The following SLC7A2 variants were observed in gnomAD, a reference collection of about 807,000 sequenced individuals.
The protein encoded by SLC7A2 is cationic amino acid transporter 2.
Under a neutral mutation model 58.9 loss-of-function variants are expected in SLC7A2, and 48 were observed. The ratio of observed to expected loss-of-function variants is 0.82; its 90% CI spans 0.65 to 1.04. The LOEUF is 1.04. Among genes scored for constraint, SLC7A2 ranks in the 50% least tolerant of loss-of-function variants. The pLI is 0.00. For synonymous variants in SLC7A2, 363 were observed against 314.5 expected, an observed-to-expected ratio of 1.15 and a Z score of -1.63; for missense variants, 1,029 against 818.8, an observed-to-expected ratio of 1.26 and a Z score of -3.13.
At chr8:17,510,628 C>T (rs536132325) in intron 2 of SLC7A2, 1 of 152,284 alleles carries the variant, frequency 6.6e-6, no homozygotes, top group African/African-American at 2.4e-5. Context: ...GCATGAATGT[C>T]TTCCTTTGAT....
Position 17,543,353 on chromosome 8 carries a change from G to A in SLC7A2, c.14G>A (p.Arg5Lys), listed in dbSNP as rs1417220506. Reference protein sequence around the residue: MIPCRAALTFARCLI... With the variant: MIPCKAALTFARCLI... ...TCAGACGTCAGAATGATTCCTTGCA[G>A]AGCCGCGCTGACCTTTGCCCGATGT... The change falls in exon 3 of 13, where the codon AGA becomes AAA. Residue 5 changes from arginine (R) to lysine (K), a missense_variant. By Grantham distance (26) the Arg-to-Lys change is conservative (BLOSUM62 2). Coordinates refer to ENST00000494857, the MANE Select transcript of SLC7A2 (RefSeq NM_001370338.1). The A allele has an allele frequency of 6.2e-7, 1 of 1,613,166 alleles. No individual in the cohort carries two copies. The highest frequency in any genetic ancestry group is 2.2e-5 in the East Asian group (1 of 44,886).
chr8:17,507,162 G>C (rs1323701116), intron 2 of SLC7A2, among the ~76,000 whole-genome samples: 1 of 152,012 alleles, frequency 6.6e-6, no homozygotes, highest in East Asian at 1.9e-4. Flanking sequence ...GGCCAGGATG[G>C]TCTTGATCTG....
In SLC7A2 at chr8:17,569,273, G is replaced by C. The variant is rs1803407711; in HGVS notation, c.*4127G>C. The C allele has an allele frequency of 6.6e-6, 1 of 152,170 alleles. No homozygotes were observed. The highest frequency in any genetic ancestry group is 1.5e-5 in the Non-Finnish European group (1 of 68,044). 9.4% of individuals were successfully genotyped at this position (152,170 alleles called of 1,614,324 possible). A position where few individuals can be genotyped will look rare whatever the true frequency, so the allele number is the denominator to read the frequency against. Reference sequence around the variant, plus strand: ...TACCACAAAAAATACAGTTTCCGCAGGGCTTTAAAGGATTGAGTTTAGCAT... The same window carrying C: ...TACCACAAAAAATACAGTTTCCGCACGGCTTTAAAGGATTGAGTTTAGCAT... On this transcript the variant is annotated 3_prime_UTR_variant, in exon 13 of 13. Coordinates refer to ENST00000494857, the MANE Select transcript of SLC7A2 (RefSeq NM_001370338.1).
intron 10 of SLC7A2, among the ~76,000 whole-genome samples, chr8:17,561,193 C>G (rs1401208071): frequency 6.6e-6 from 1 of 152,088 alleles, no homozygotes; most frequent in African/African-American, 2.4e-5. Context: ...CATTAGCAGT[C>G]TGTATTAGTC....
At chr8:17,512,885 G>A (rs1399893114) in intron 2 of SLC7A2, among the ~76,000 whole-genome samples, 1 of 152,174 alleles carries the variant, frequency 6.6e-6, no homozygotes, top group Non-Finnish European at 1.5e-5. Context: ...GAATCAGACA[G>A]TGTTTTGCCT....
At position 17,543,331 on chromosome 8, in the gene SLC7A2, G is replaced by C. The variant is rs765997833; in HGVS notation, c.-9G>C. 31 of 1,605,094 alleles carry C rather than the reference G, an allele frequency of 1.9e-5. No homozygotes were observed. In the East Asian group the frequency reaches 5.4e-4, roughly 28 times the overall value. On this transcript the variant is annotated 5_prime_UTR_variant, in exon 3 of 13. Coordinates refer to ENST00000494857, the MANE Select transcript of SLC7A2 (RefSeq NM_001370338.1). ...CCTTCTGCTCAGGTCGCCTTCGTCA[G>C]ACGTCAGAATGATTCCTTGCAGAGC...
In SLC7A2 at chr8:17,515,910, AC is replaced by A. The variant is rs568550981; in HGVS notation, c.-23+13609del. Among the ~76,000 whole-genome samples, 14 of 152,246 alleles carry A rather than the reference AC, an allele frequency of 9.2e-5. 1 individual carries two copies. The South Asian group carries it at 2.7e-3, about 29-fold the overall frequency. On this transcript the variant is annotated intron_variant, in intron 2 of 12. Coordinates refer to ENST00000494857, the MANE Select transcript of SLC7A2 (RefSeq NM_001370338.1). ...GTGGCAGCTTCTTATGGGTAGGAAC[AC>A]TTTTTATTAGGGAGATTTGCATTTT... is the stretch of plus-strand genomic sequence containing the variant.
At chr8:17,508,828 A>G (rs948558578) in intron 2 of SLC7A2, among the ~76,000 whole-genome samples, 1 of 152,236 alleles carries the variant, frequency 6.6e-6, no homozygotes, top group Non-Finnish European at 1.5e-5. Flanking sequence ...GTATGTTAAT[A>G]TATTAGTTTT....
In SLC7A2 at chr8:17,566,047, A is replaced by C. The variant is rs914671252; in HGVS notation, c.*901A>C. The C allele has an allele frequency of 1.3e-5, 2 of 152,198 alleles. No individual in the cohort carries two copies. Among genetic ancestry groups the C allele is most frequent in the African/African-American group, 4.8e-5 (2 of 41,458 alleles). 9.4% of individuals were successfully genotyped at this position (152,198 alleles called of 1,614,324 possible). A position where few individuals can be genotyped will look rare whatever the true frequency, so the allele number is the denominator to read the frequency against. On this transcript the variant is annotated 3_prime_UTR_variant, in exon 13 of 13. Coordinates refer to ENST00000494857, the MANE Select transcript of SLC7A2 (RefSeq NM_001370338.1). ...AGTGGCCGTAATGAGAATATGTTTG[A>C]AGATCAAAGAGTTAGACCAATGCTT...
rs771614838 is a variant in SLC7A2, at chr8:17,558,326, G to A, written c.1227G>A (p.Ala409=). 8.6e-5 allele frequency: 138 copies of A among 1,613,200 alleles called. 1 individual carries two copies. Among genetic ancestry groups the A allele is most frequent in the Admixed American group, 2.3e-4 (14 of 59,924 alleles). The change falls in exon 9 of 13, where the codon GCG becomes GCA. Residue 409 remains alanine, a synonymous_variant. Coordinates refer to ENST00000494857, the MANE Select transcript of SLC7A2 (RefSeq NM_001370338.1). ...TGGCCTTTCTGTTTGACCTGAAGGC[G>A]CTTGTGGACATGATGTCCATTGGCA... ...ALMAFLFDLK[A]LVDMMSIGTL... is the part of the protein sequence containing the mutation.
rs1803215874 is a variant in SLC7A2 at position 17,565,289 on chromosome 8, C to G, written c.*143C>G. Reference sequence around the variant, plus strand: ...CCTAATTTATACTTACTCATCTGGACAGCATCTCCTCAGATGGTGAATTAT... The same window carrying G: ...CCTAATTTATACTTACTCATCTGGAGAGCATCTCCTCAGATGGTGAATTAT... On this transcript the variant is annotated 3_prime_UTR_variant, in exon 13 of 13. Coordinates refer to ENST00000494857, the MANE Select transcript of SLC7A2 (RefSeq NM_001370338.1). 4 of 645,084 alleles carry G rather than the reference C, an allele frequency of 6.2e-6. No individual in the cohort carries two copies. Among genetic ancestry groups the G allele is most frequent in the Non-Finnish European group, 1.1e-5 (4 of 380,586 alleles). The allele number at this position is 645,084 out of a possible 1,614,324, so 40.0% of individuals were successfully genotyped here. A position where few individuals can be genotyped will look rare whatever the true frequency, so the allele number is the denominator to read the frequency against.
chr8:17,565,141 T>C lies in SLC7A2; in HGVS notation c.1972T>C (p.Phe658Leu), dbSNP rs1289815526. ...PFIFHEKTSE[F>L] ...CATATTCCATGAAAAGACAAGTGAATTCTAACACTTGCAGGAGCAGAGCTG... is the reference window on the plus strand; with the variant it reads ...CATATTCCATGAAAAGACAAGTGAACTCTAACACTTGCAGGAGCAGAGCTG... Residue 658 changes from phenylalanine (F) to leucine (L), a missense_variant, in exon 13 of 13, where the codon TTC becomes CTC. Coordinates refer to ENST00000494857, the MANE Select transcript of SLC7A2 (RefSeq NM_001370338.1). 15 of 1,610,586 alleles carry C rather than the reference T, an allele frequency of 9.3e-6. No homozygotes were observed. The highest frequency in any genetic ancestry group is 5.0e-5 in the Admixed American group (3 of 59,850).
chr8:17,526,929 C>T (rs556944957), intron 2 of SLC7A2, among the ~76,000 whole-genome samples: 9 of 152,086 alleles, frequency 5.9e-5, no homozygotes, highest in South Asian at 4.2e-4. Context: ...GGGATAAGTT[C>T]GAGAGAAATG....
intron 2 of SLC7A2, among the ~76,000 whole-genome samples, chr8:17,514,044 G>A (rs1429062360): frequency 3.9e-5 from 6 of 152,138 alleles, no homozygotes; most frequent in Admixed American, 6.5e-5. Context: ...TCACTGACCC[G>A]TAATAGTCTT....
chr8:17,535,124 A>G (rs1234142184), intron 2 of SLC7A2, among the ~76,000 whole-genome samples: 7 of 151,972 alleles, frequency 4.6e-5, no homozygotes, highest in East Asian at 1.9e-4. Context: ...GTGATTTCCT[A>G]TTGCCACCAG....
chr8:17,517,997 T>C (rs148650667), intron 2 of SLC7A2, among the ~76,000 whole-genome samples: 2 of 152,262 alleles, frequency 1.3e-5, no homozygotes, highest in East Asian at 3.9e-4. Flanking sequence ...CATGCAAAGA[T>C]AGGACATTTC....
intron 7 of SLC7A2, among the ~76,000 whole-genome samples, 196 bp downstream of exon 7, chr8:17,552,182 T>A (rs897278094): frequency 2.0e-5 from 3 of 152,178 alleles, no homozygotes; most frequent in African/African-American, 7.2e-5. Flanking sequence ...GTTAGTTGAG[T>A]CAGTTTTTTA....
intron 2 of SLC7A2, among the ~76,000 whole-genome samples, chr8:17,530,719 C>T (rs1207395756): frequency 3.3e-5 from 5 of 151,888 alleles, no homozygotes; most frequent in South Asian, 4.2e-4. Context: ...ACTACAGGGA[C>T]GTGCCACCAT....
At position 17,544,605 on chromosome 8, in the gene SLC7A2, A is replaced by T; in HGVS notation, c.531A>T (p.Ala177=). 6.2e-7 allele frequency: 1 copy of T among 1,613,362 alleles called. No individual in the cohort carries two copies. The highest frequency in any genetic ancestry group is 8.5e-7 in the Non-Finnish European group (1 of 1,179,534). The change falls in exon 4 of 13, where the codon GCA becomes GCT. Residue 177 remains alanine (A), a splice_region_variant and synonymous_variant. Transcript: ENST00000494857. ...FFAVCLILLL[A]GLLSFGVKES... ...CTGTGTGCCTTATATTACTTCTAGC[A>T]GGTAAGAAAACCAGTTATGAGTCTC...
Sources: gnomAD v4.1 joint callset for allele counts (sites outside exome capture counted in the v4.1 genomes callset) on GRCh38, gnomAD v4.1.1 for gene constraint, MANE v1.5 for transcripts, NCBI Gene and HGNC (gene_info 2026-07-23, HGNC 2026-07-21) for gene names.